Variants in GALNT10 observed in about 807,000 individuals in gnomAD.
GALNT10 encodes polypeptide N-acetylgalactosaminyltransferase 10.
A neutral mutation model predicts 75.0 loss-of-function variants in GALNT10; 41 were observed. That is an observed-to-expected ratio of 0.55 (90% CI 0.43 to 0.71). The LOEUF is 0.71. Ranked by LOEUF, GALNT10 falls within the 30% of genes least tolerant of loss-of-function variation. The probability of loss-of-function intolerance (pLI) is 0.00; values close to 1 mark genes in which losing one functional copy is unlikely to be tolerated. For synonymous variants in GALNT10, 302 were observed against 313.0 expected, an observed-to-expected ratio of 0.96 and a Z score of 0.37; for missense variants, 727 against 818.5, an observed-to-expected ratio of 0.89 and a Z score of 1.36.
At chr5:154,368,135 G>T (rs1438054329) in intron 4 of GALNT10, among the ~76,000 whole-genome samples, 1 of 152,184 alleles carries the variant, frequency 6.6e-6, no homozygotes, top group Admixed American at 6.5e-5. Context: ...GTAGGTTTAA[G>T]GTGAGGCCTA....
intron 4 of GALNT10, among the ~76,000 whole-genome samples, chr5:154,367,869 A>C (rs571641459): frequency 8.5e-5 from 13 of 152,160 alleles, no homozygotes; most frequent in African/African-American, 3.1e-4. Context: ...AAAAAAAAAA[A>C]AAAGAGAGAG....
intron 1 of GALNT10, among the ~76,000 whole-genome samples, chr5:154,234,291 G>A (rs1753211236): frequency 6.6e-6 from 1 of 152,192 alleles, no homozygotes; most frequent in Non-Finnish European, 1.5e-5. Flanking sequence ...ACCTGCCCAT[G>A]GTGGTGGCTT....
intron 4 of GALNT10, among the ~76,000 whole-genome samples, chr5:154,350,454 T>C (rs1466435057): frequency 6.6e-6 from 1 of 152,206 alleles, no homozygotes; most frequent in African/African-American, 2.4e-5. Flanking sequence ...GAGCATATCC[T>C]TTGATCTAGC....
chr5:154,201,655 G>A (rs67548219), intron 1 of GALNT10, among the ~76,000 whole-genome samples: 10,768 of 152,176 alleles, frequency 0.071, 773 homozygotes, highest in African/African-American at 0.18. Context: ...TACAGGCCAG[G>A]CGTGGTGGCT....
intron 1 of GALNT10, among the ~76,000 whole-genome samples, chr5:154,248,941 T>G (rs566190750): frequency 2.6e-5 from 4 of 152,230 alleles, no homozygotes; most frequent in African/African-American, 9.6e-5. Flanking sequence ...AGGCTCCAGA[T>G]AAGTTGCTGG....
chr5:154,388,441 CTTG>C (rs1252008039), intron 7 of GALNT10: 1 of 152,172 alleles, frequency 6.6e-6, no homozygotes, highest in East Asian at 1.9e-4. Flanking sequence ...TACATGCTGA[CTTG>C]TTTAATCCTC....
At chr5:154,324,857 A>T (rs1416938785) in intron 3 of GALNT10, among the ~76,000 whole-genome samples, 1 of 152,214 alleles carries the variant, frequency 6.6e-6, no homozygotes, top group African/African-American at 2.4e-5. Flanking sequence ...GTTTATTGAA[A>T]TGAAATTGAT....
intron 3 of GALNT10, among the ~76,000 whole-genome samples, chr5:154,318,803 T>C (rs1282918974): frequency 6.6e-6 from 1 of 152,252 alleles, no homozygotes; most frequent in Non-Finnish European, 1.5e-5. Context: ...ACTATTTCAA[T>C]GTGTGTCAAT....
chr5:154,340,079 T>C lies in GALNT10; in HGVS notation c.568+10341T>C, dbSNP rs189179921. Among the ~76,000 whole-genome samples the C allele has an allele frequency of 2.4e-4, 36 of 152,352 alleles. No homozygotes were observed. In the East Asian group the frequency reaches 6.2e-3, roughly 26 times the overall value. On this transcript the variant is annotated intron_variant, in intron 4 of 11. Coordinates refer to ENST00000297107, the MANE Select transcript of GALNT10 (RefSeq NM_198321.4). ...TTGTGGTATTTGCCATTACCTTTCA[T>C]AGGAAAAGCCACAGTTACTTTTGCA...
intron 8 of GALNT10, among the ~76,000 whole-genome samples, chr5:154,408,154 C>A (rs929737963): frequency 3.9e-5 from 6 of 152,180 alleles, no homozygotes; most frequent in African/African-American, 1.4e-4. Flanking sequence ...TTTATAGCTA[C>A]ATCAGAGGTG....
chr5:154,363,841 A>G (rs1465081638), intron 4 of GALNT10, among the ~76,000 whole-genome samples: 4 of 152,208 alleles, frequency 2.6e-5, no homozygotes, highest in Admixed American at 6.5e-5. Context: ...CATGCTTTAT[A>G]TCTTCCCCTG....
At chr5:154,284,247 G>C (rs1754082427) in intron 1 of GALNT10, among the ~76,000 whole-genome samples, 1 of 152,184 alleles carries the variant, frequency 6.6e-6, no homozygotes, top group African/African-American at 2.4e-5. Flanking sequence ...TGTGAAAATA[G>C]CGTAACTTGC....
chr5:154,330,302 C>T (rs1754835366), intron 4 of GALNT10, among the ~76,000 whole-genome samples: 1 of 152,204 alleles, frequency 6.6e-6, no homozygotes, highest in South Asian at 2.1e-4. Flanking sequence ...CATCTGGGCA[C>T]CCCTATCTGC....
chr5:154,217,002 G>T (rs1752883662), intron 1 of GALNT10, among the ~76,000 whole-genome samples: 2 of 152,102 alleles, frequency 1.3e-5, no homozygotes, highest in Admixed American at 6.5e-5. Flanking sequence ...TTAATTATGA[G>T]ACCGTTGTTA....
chr5:154,363,478 G>T (rs6859781), intron 4 of GALNT10, among the ~76,000 whole-genome samples: 1 of 116,758 alleles, frequency 8.6e-6, no homozygotes. Context: ...AGGATTTTGT[G>T]CCAGCGTTTA....
intron 1 of GALNT10, among the ~76,000 whole-genome samples, chr5:154,256,889 T>A (rs1263199343): frequency 1.3e-5 from 2 of 152,118 alleles, no homozygotes; most frequent in Non-Finnish European, 2.9e-5. Context: ...AGGATTCTTT[T>A]GATTGGGCAG....
intron 3 of GALNT10, among the ~76,000 whole-genome samples, chr5:154,314,987 C>T (rs1754575863): frequency 5.3e-5 from 8 of 151,982 alleles, no homozygotes; most frequent in Admixed American, 5.2e-4. Context: ...GTTGATAGGG[C>T]CTTGCAAATC....
chr5:154,212,740 G>A (rs911330273), intron 1 of GALNT10, among the ~76,000 whole-genome samples: 1 of 152,080 alleles, frequency 6.6e-6, no homozygotes, highest in African/African-American at 2.4e-5. Context: ...AGGCCGAGGC[G>A]GGCAGATCAC....
chr5:154,353,106 C>T (rs1755234404), intron 4 of GALNT10, among the ~76,000 whole-genome samples: 1 of 152,146 alleles, frequency 6.6e-6, no homozygotes. Flanking sequence ...GATGTTCCTC[C>T]ACACGGATTG....
Sources: gnomAD v4.1 joint callset for allele counts (sites outside exome capture counted in the v4.1 genomes callset) on GRCh38, gnomAD v4.1.1 for gene constraint, MANE v1.5 for transcripts, NCBI Gene and HGNC (gene_info 2026-07-23, HGNC 2026-07-21) for gene names.